Variants in LYPD6 observed in about 807,000 individuals in gnomAD.
LYPD6 encodes the protein LY6/PLAUR domain containing 6.
In LYPD6, 15 loss-of-function variants were observed where a neutral mutation model predicts 22.7. The ratio of observed to expected loss-of-function variants is 0.66; its 90% CI spans 0.44 to 1.02. The LOEUF is 1.02. Ranked by LOEUF, LYPD6 falls within the 50% of genes least tolerant of loss-of-function variation. The pLI is 0.00. For synonymous variants in LYPD6, 72 were observed against 77.5 expected (o/e 0.93, Z 0.37); for missense variants, 189 against 208.4 (o/e 0.91, Z 0.57).
At chr2:149,460,779 A>G (rs998779718) in intron 3 of LYPD6, among the ~76,000 whole-genome samples, 5 of 152,142 alleles carry the variant, frequency 3.3e-5, no homozygotes, top group Non-Finnish European at 4.4e-5. Context: ...GAAATCATAC[A>G]GAGTGTTTTC....
At chr2:149,345,697 A>G (rs1189875539) in intron 1 of LYPD6, among the ~76,000 whole-genome samples, 3 of 152,080 alleles carry the variant, frequency 2.0e-5, no homozygotes, top group Non-Finnish European at 4.4e-5. Flanking sequence ...TAATATTTCT[A>G]TTTAGTTTTC....
At chr2:149,455,038 G>A (rs1435366661) in intron 3 of LYPD6, among the ~76,000 whole-genome samples, 1 of 152,038 alleles carries the variant, frequency 6.6e-6, no homozygotes, top group East Asian at 1.9e-4. Flanking sequence ...CTCGAGGGGA[G>A]AACAGGTATA....
chr2:149,359,944 A>G (rs937302889), intron 1 of LYPD6, among the ~76,000 whole-genome samples: 1 of 152,204 alleles, frequency 6.6e-6, no homozygotes, highest in Admixed American at 6.5e-5. Flanking sequence ...CCATAGGCAG[A>G]GCAGCGGCAT....
chr2:149,380,306 G>A (rs1007451070), intron 1 of LYPD6, among the ~76,000 whole-genome samples: 2 of 152,204 alleles, frequency 1.3e-5, no homozygotes, highest in East Asian at 1.9e-4. Flanking sequence ...GCAGAGCGAA[G>A]ATAAGACATA....
intron 1 of LYPD6, among the ~76,000 whole-genome samples, chr2:149,372,206 C>T (rs1253455453): frequency 6.6e-6 from 1 of 152,080 alleles, no homozygotes; most frequent in East Asian, 1.9e-4. Flanking sequence ...TTCAAGCTGC[C>T]GCAGCACAGC....
At chr2:149,387,251 T>C (rs1010269564) in intron 1 of LYPD6, among the ~76,000 whole-genome samples, 3 of 152,206 alleles carry the variant, frequency 2.0e-5, no homozygotes, top group Admixed American at 6.5e-5. Flanking sequence ...AGATATTGTA[T>C]TGAGTGTGGA....
chr2:149,432,503 G>A (rs1387185859), intron 1 of LYPD6, among the ~76,000 whole-genome samples: 1 of 152,182 alleles, frequency 6.6e-6, no homozygotes, highest in Non-Finnish European at 1.5e-5. Context: ...GTAGGGGAGG[G>A]AGGGAGTTCC....
chr2:149,401,187 C>G (rs373336087), intron 1 of LYPD6, among the ~76,000 whole-genome samples: 1 of 152,146 alleles, frequency 6.6e-6, no homozygotes, highest in African/African-American at 2.4e-5. Flanking sequence ...TCTCATTGAT[C>G]AGGAATGTAC....
chr2:149,398,953 C>T (rs1226936629), intron 1 of LYPD6, among the ~76,000 whole-genome samples: 2 of 152,062 alleles, frequency 1.3e-5, no homozygotes, highest in Non-Finnish European at 2.9e-5. Flanking sequence ...TAAGAGATTA[C>T]CTCCAGAGAG....
At chr2:149,363,762 A>G (rs185362447) in intron 1 of LYPD6, among the ~76,000 whole-genome samples, 63 of 152,196 alleles carry the variant, frequency 4.1e-4, no homozygotes, top group African/African-American at 1.4e-3. Context: ...CACATATGCT[A>G]TTTATAAGTA....
In LYPD6 at chr2:149,473,110, A is replaced by AT. The variant is rs1315376292; in HGVS notation, c.*2265dup. On this transcript the variant is annotated 3_prime_UTR_variant, in exon 5 of 5. Coordinates refer to ENST00000334166, the MANE Select transcript of LYPD6 (RefSeq NM_194317.5). ...GATGTTGTACATACCTACAAGTACCATTTTTGTGCATGATTACACTCCACT... is the reference window on the plus strand; with the variant it reads ...GATGTTGTACATACCTACAAGTACCATTTTTTGTGCATGATTACACTCCACT... 6.6e-6 allele frequency: 1 copy of AT among 152,480 alleles called. No homozygotes were observed. Among genetic ancestry groups the AT allele is most frequent in the Admixed American group, 6.5e-5 (1 of 15,270 alleles). 9.4% of individuals were successfully genotyped at this position (152,480 alleles called of 1,614,324 possible).
downstream of LYPD6, among the ~76,000 whole-genome samples, chr2:149,474,795 T>C (rs188432794): frequency 6.6e-6 from 1 of 152,154 alleles, no homozygotes; most frequent in Non-Finnish European, 1.5e-5. Context: ...TGAGACAGAG[T>C]CTCACTCTTG....
At chr2:149,448,293 AAAAG>A (rs1683730956) in intron 2 of LYPD6, among the ~76,000 whole-genome samples, 1 of 152,214 alleles carries the variant, frequency 6.6e-6, no homozygotes, top group African/African-American at 2.4e-5. Flanking sequence ...AACTCAGAAA[AAAAG>A]AAAAGAAAGA....
At chr2:149,378,318 A>C (rs1417239536) in intron 1 of LYPD6, among the ~76,000 whole-genome samples, 1 of 152,058 alleles carries the variant, frequency 6.6e-6, no homozygotes, top group Non-Finnish European at 1.5e-5. Context: ...GAATTTCGCC[A>C]TGTTGCCCAG....
At chr2:149,466,811 G>A (rs1681210454) in intron 3 of LYPD6, among the ~76,000 whole-genome samples, 1 of 151,404 alleles carries the variant, frequency 6.6e-6, no homozygotes, top group Admixed American at 6.6e-5. Flanking sequence ...TACATTTGGA[G>A]CAGTAAAACC....
intron 1 of LYPD6, among the ~76,000 whole-genome samples, chr2:149,414,064 T>C (rs1682910921): frequency 1.3e-5 from 2 of 152,222 alleles, no homozygotes; most frequent in Non-Finnish European, 2.9e-5. Context: ...GTTGGTGTTG[T>C]GTTTGTATAT....
chr2:149,386,630 TCTC>T (rs1368297095), intron 1 of LYPD6, among the ~76,000 whole-genome samples: 1 of 152,216 alleles, frequency 6.6e-6, no homozygotes, highest in African/African-American at 2.4e-5. Context: ...AACCATGTCT[TCTC>T]ATTTAACAAA....
chr2:149,470,682 G>A lies in LYPD6; in HGVS notation c.349-1G>A, dbSNP rs1681312262. The A allele has an allele frequency of 6.2e-7, 1 of 1,612,170 alleles. No homozygotes were observed. ...TATCTTTTTTTCTTCCTTTCTTTCA[G>A]GTCTGCACTTCTTGTTGTGAAGGAA... On this transcript the variant is annotated splice_acceptor_variant, in intron 4 of 4. Transcript: ENST00000334166. LOFTEE classifies it high-confidence loss of function.
In LYPD6 at chr2:149,392,625, C is replaced by T. The variant is rs79362585; in HGVS notation, c.-71-45013C>T. 8.8e-3 allele frequency among the ~76,000 whole-genome samples: 1,345 copies of T among 152,248 alleles called. 22 individuals are homozygous for T. The highest frequency in any genetic ancestry group is 0.031 in the African/African-American group (1,293 of 41,540). ...ACGTGTTATTTATTTATTTTTGAGGCTATACGAATATCTGTTGTTTTGAAA... is the reference window on the plus strand; with the variant it reads ...ACGTGTTATTTATTTATTTTTGAGGTTATACGAATATCTGTTGTTTTGAAA... On this transcript the variant is annotated intron_variant, in intron 1 of 4. Coordinates refer to ENST00000334166, the MANE Select transcript of LYPD6 (RefSeq NM_194317.5).
Sources: gnomAD v4.1 joint callset for allele counts (sites outside exome capture counted in the v4.1 genomes callset) on GRCh38, gnomAD v4.1.1 for gene constraint, MANE v1.5 for transcripts, NCBI Gene and HGNC (gene_info 2026-07-23, HGNC 2026-07-21) for gene names.